CLDN1: variants seen among roughly 807,000 people sequenced by gnomAD.
CLDN1 encodes claudin-1.
Under a neutral mutation model 22.6 loss-of-function variants are expected in CLDN1, and 12 were observed. The ratio of observed to expected loss-of-function variants is 0.53; its 90% CI spans 0.34 to 0.86. CLDN1 has a LOEUF of 0.86. CLDN1 is among the 40% of genes least tolerant of loss of function. The probability of loss-of-function intolerance (pLI) is 0.02; values close to 1 mark genes in which losing one functional copy is unlikely to be tolerated. For synonymous variants in CLDN1, 99 were observed against 103.8 expected (o/e 0.95, Z 0.28); for missense variants, 250 against 269.5 (o/e 0.93, Z 0.51).
At position 190,306,106 on chromosome 3, in the gene CLDN1, T is replaced by A. The variant is rs541201242; in HGVS notation, c.*2171A>T. The A allele has an allele frequency of 1.3e-5, 2 of 152,374 alleles. No individual in the cohort carries two copies. Among genetic ancestry groups the A allele is most frequent in the South Asian group, 4.1e-4 (2 of 4,832 alleles). 9.4% of individuals were successfully genotyped at this position (152,374 alleles called of 1,614,324 possible). A position where few individuals can be genotyped will look rare whatever the true frequency, so the allele number is the denominator to read the frequency against. ...AGTACCATTTCCAAACTAACTATCC[T>A]AGCAGCGTCAGCTGCCAGCTAACAG... On this transcript the variant is annotated 3_prime_UTR_variant, in exon 4 of 4. Coordinates refer to ENST00000295522, the MANE Select transcript of CLDN1 (RefSeq NM_021101.5).
Position 190,306,770 on chromosome 3 carries a change from A to G in CLDN1, c.*1507T>C, listed in dbSNP as rs1159269098. ...TGTTAAAATGGAACAGAGCACAAAC[A>G]TGTCAGACACAGCTGAAAGAATGGA... is the stretch of plus-strand genomic sequence containing the variant. On this transcript the variant is annotated 3_prime_UTR_variant, in exon 4 of 4. Coordinates refer to ENST00000295522, the MANE Select transcript of CLDN1 (RefSeq NM_021101.5). The G allele has an allele frequency of 1.3e-5, 2 of 152,816 alleles. No individual in the cohort carries two copies. The highest frequency in any genetic ancestry group is 4.8e-5 in the African/African-American group (2 of 41,480). The allele number at this position is 152,816 out of a possible 1,614,324, so 9.5% of individuals were successfully genotyped here. A position where few individuals can be genotyped will look rare whatever the true frequency, so the allele number is the denominator to read the frequency against.
chr3:190,314,416 A>C (rs1716708507), intron 1 of CLDN1, among the ~76,000 whole-genome samples: 1 of 152,102 alleles, frequency 6.6e-6, no homozygotes, highest in African/African-American at 2.4e-5. Context: ...TTTTTTTGAG[A>C]TAGAGTCTTG....
Position 190,321,968 on chromosome 3 carries a change from G to A in CLDN1, c.223+16C>T, listed in dbSNP as rs774288622. On this transcript the variant is annotated intron_variant, in intron 1 of 3. Transcript: ENST00000295522. ...GGGGCCTCTGGACGGCCGCTGTGAG[G>A]TGGGGGTGCACTCACTGCTCAGATT... 3 of 1,608,722 alleles carry A rather than the reference G, an allele frequency of 1.9e-6. No individual in the cohort carries two copies. The highest frequency in any genetic ancestry group is 2.6e-6 in the Non-Finnish European group (3 of 1,175,202).
In CLDN1 at chr3:190,307,343, G is replaced by C. The variant is rs1277318434; in HGVS notation, c.*934C>G. 6.6e-6 allele frequency: 1 copy of C among 152,148 alleles called. No individual in the cohort carries two copies. The highest frequency in any genetic ancestry group is 1.5e-5 in the Non-Finnish European group (1 of 68,042). The allele number at this position is 152,148 out of a possible 1,614,324, so 9.4% of individuals were successfully genotyped here. On this transcript the variant is annotated 3_prime_UTR_variant, in exon 4 of 4. Transcript: ENST00000295522. ...GGGGAACAAAAAGGTAGTTTAGGGGGATATAAAACTATGAATAAGTAGCTT... is the reference window on the plus strand; with the variant it reads ...GGGGAACAAAAAGGTAGTTTAGGGGCATATAAAACTATGAATAAGTAGCTT...
intron 1 of CLDN1, among the ~76,000 whole-genome samples, chr3:190,313,760 T>C (rs2108609678): frequency 6.6e-6 from 1 of 152,328 alleles, no homozygotes; most frequent in South Asian, 2.1e-4. Flanking sequence ...CACACAATAA[T>C]TCAATGTAGT....
In CLDN1 at chr3:190,306,601, A is replaced by G. The variant is rs1042804522; in HGVS notation, c.*1676T>C. ...TGAAGCAATAAGCTTACAGCAGCCA[A>G]ATGCCTTGCTCAAACACAGACGGTG... On this transcript the variant is annotated 3_prime_UTR_variant, in exon 4 of 4. Coordinates refer to ENST00000295522, the MANE Select transcript of CLDN1 (RefSeq NM_021101.5). 1 of 152,624 alleles carries G rather than the reference A, an allele frequency of 6.6e-6. No homozygotes were observed. The highest frequency in any genetic ancestry group is 6.5e-5 in the Admixed American group (1 of 15,280). The allele number at this position is 152,624 out of a possible 1,614,324, so 9.5% of individuals were successfully genotyped here.
rs138442992 is a variant in CLDN1, at chr3:190,317,990, C to G, written c.223+3994G>C. 4.8e-3 allele frequency among the ~76,000 whole-genome samples: 728 copies of G among 152,258 alleles called. 4 individuals carry two copies. The highest frequency in any genetic ancestry group is 0.01 in the Middle Eastern group (3 of 294). ...AACAAAAATATTGTGCTTCCTTCTC[C>G]CCTGCAATTAAATGAGCTCAACACA... On this transcript the variant is annotated intron_variant, in intron 1 of 3. Transcript: ENST00000295522.
chr3:190,311,965 T>TG (rs1276375145), intron 2 of CLDN1, among the ~76,000 whole-genome samples: 1 of 151,650 alleles, frequency 6.6e-6, no homozygotes, highest in Non-Finnish European at 1.5e-5. Context: ...TTTTTTCTTT[T>TG]TTTTTTAGAC....
intron 1 of CLDN1, among the ~76,000 whole-genome samples, chr3:190,317,854 G>A (rs575963679): frequency 1.8e-4 from 28 of 152,292 alleles, no homozygotes; most frequent in African/African-American, 5.5e-4. Context: ...GACACTTGCT[G>A]TTCAAACCTG....
At chr3:190,317,291 C>A (rs893349983) in intron 1 of CLDN1, among the ~76,000 whole-genome samples, 1 of 152,062 alleles carries the variant, frequency 6.6e-6, no homozygotes, top group Non-Finnish European at 1.5e-5. Context: ...ACTATTTTTT[C>A]TCATCATTAT....
intron 1 of CLDN1, among the ~76,000 whole-genome samples, chr3:190,314,991 A>C (rs1394464778): frequency 1.3e-5 from 2 of 152,146 alleles, no homozygotes; most frequent in Admixed American, 6.5e-5. Flanking sequence ...TTATTACACA[A>C]CTTTTTCCTT....
intron 3 of CLDN1, among the ~76,000 whole-genome samples, chr3:190,309,614 A>G (rs1411276011): frequency 6.6e-6 from 1 of 152,260 alleles, no homozygotes. Flanking sequence ...AACCTGCAGT[A>G]TTAAGAAAGA....
chr3:190,318,494 G>A (rs1716829181), intron 1 of CLDN1, among the ~76,000 whole-genome samples: 1 of 152,044 alleles, frequency 6.6e-6, no homozygotes, highest in Admixed American at 6.5e-5. Flanking sequence ...ATGGATAAAC[G>A]AATCATAGAT....
At chr3:190,319,341 G>A (rs1268909940) in intron 1 of CLDN1, among the ~76,000 whole-genome samples, 3 of 152,068 alleles carry the variant, frequency 2.0e-5, no homozygotes, top group Non-Finnish European at 2.9e-5. Flanking sequence ...TGGATGAAAT[G>A]GAAATTGTAT....
In CLDN1 at chr3:190,317,811, C is replaced by T. The variant is rs374710090; in HGVS notation, c.223+4173G>A. On this transcript the variant is annotated intron_variant, in intron 1 of 3. Coordinates refer to ENST00000295522, the MANE Select transcript of CLDN1 (RefSeq NM_021101.5). ...GACTCTCAGATACTGTATTCTTGAT[C>T]GGTATTGGTTGAAAGAAATCCACCT... is the stretch of plus-strand genomic sequence containing the variant. Among the ~76,000 whole-genome samples the T allele has an allele frequency of 9.8e-5, 15 of 152,296 alleles. No homozygotes were observed. The East Asian group carries it at 1.2e-3, about 12-fold the overall frequency.
Position 190,322,220 on chromosome 3 carries a change from G to A in CLDN1, c.-14C>T. The A allele has an allele frequency of 6.2e-7, 1 of 1,611,790 alleles. No homozygotes were observed. The highest frequency in any genetic ancestry group is 8.5e-7 in the Non-Finnish European group (1 of 1,179,048). On this transcript the variant is annotated 5_prime_UTR_variant, in exon 1 of 4. Coordinates refer to ENST00000295522, the MANE Select transcript of CLDN1 (RefSeq NM_021101.5). ...CGCGTTGGCCATGACTCGCTCGGGC[G>A]CCCGCGCTGGCTCAGGGGTGGCAGG...
At position 190,308,061 on chromosome 3, in the gene CLDN1, A is replaced by C. The variant is rs1716507071; in HGVS notation, c.*216T>G. ...GGGAAGCAGTAATACAAATGGAAAA[A>C]TCTTCCCTCCTATATTGAGGAAAGA... On this transcript the variant is annotated 3_prime_UTR_variant, in exon 4 of 4. Coordinates refer to ENST00000295522, the MANE Select transcript of CLDN1 (RefSeq NM_021101.5). 1 of 526,494 alleles carries C rather than the reference A, an allele frequency of 1.9e-6. No homozygotes were observed. The highest frequency in any genetic ancestry group is 1.9e-5 in the African/African-American group (1 of 52,144). The allele number at this position is 526,494 out of a possible 1,614,324, so 32.6% of individuals were successfully genotyped here.
rs759469733 is a variant in CLDN1 at position 190,322,197 on chromosome 3, C to T, written c.10G>A (p.Ala4Thr). ...ATGAAGCCCAACAGCTGCAGCCCCG[C>T]GTTGGCCATGACTCGCTCGGGCGCC... MAN[A>T]GLQLLGFILA... Residue 4 changes from alanine to threonine, a missense_variant, in exon 1 of 4, where the codon GCG (alanine) becomes ACG (threonine). Coordinates refer to ENST00000295522, the MANE Select transcript of CLDN1 (RefSeq NM_021101.5). 3 of 1,613,666 alleles carry T rather than the reference C, an allele frequency of 1.9e-6. No homozygotes were observed. Among genetic ancestry groups the T allele is most frequent in the East Asian group, 2.2e-5 (1 of 44,894 alleles).
chr3:190,315,866 G>A (rs1392662174), intron 1 of CLDN1, among the ~76,000 whole-genome samples: 1 of 152,088 alleles, frequency 6.6e-6, no homozygotes, highest in Non-Finnish European at 1.5e-5. Flanking sequence ...TCATGAGTCG[G>A]ACTGTGTAAA....
Sources: gnomAD v4.1 joint callset for allele counts (sites outside exome capture counted in the v4.1 genomes callset) on GRCh38, gnomAD v4.1.1 for gene constraint, MANE v1.5 for transcripts, NCBI Gene and HGNC (gene_info 2026-07-23, HGNC 2026-07-21) for gene names.